YARS1: variants seen among roughly 807,000 people sequenced by gnomAD.
YARS1 encodes the protein tyrosine--tRNA ligase, cytoplasmic.
Under a neutral mutation model 62.2 loss-of-function variants are expected in YARS1, and 36 were observed. The observed-to-expected ratio is 0.58, with a 90% CI of 0.44 to 0.76. The LOEUF is 0.76. Ranked by LOEUF, YARS1 falls within the 30% of genes least tolerant of loss-of-function variation. The pLI is 0.00. For missense variants in YARS1, 524 were observed against 639.8 expected, an observed-to-expected ratio of 0.82 and a Z score of 1.95; for synonymous variants, 234 against 244.9, an observed-to-expected ratio of 0.96 and a Z score of 0.42.
In YARS1 at chr1:32,801,942, CTTTTT is replaced by C. The variant is rs34270752; in HGVS notation, c.511-4104_511-4100del. On this transcript the variant is annotated intron_variant, in intron 4 of 12. Coordinates refer to ENST00000373477, the MANE Select transcript of YARS1 (RefSeq NM_003680.4). ...CCTAATTGTAGTTCTCTTGTTATTTCTTTTTTTTTTTTTTTTTTTTTTTGAGACGG... is the reference window on the plus strand; with the variant it reads ...CCTAATTGTAGTTCTCTTGTTATTTCTTTTTTTTTTTTTTTTTTGAGACGG... Among the ~76,000 whole-genome samples, 798 of 103,846 alleles carry C rather than the reference CTTTTT, an allele frequency of 7.7e-3. 2 individuals are homozygous for C. The highest frequency in any genetic ancestry group is 0.026 in the African/African-American group (739 of 28,438). The allele number at this position is 103,846 out of a possible 152,430, so 68.1% of individuals were successfully genotyped here.
chr1:32,791,264 T>C lies in YARS1; in HGVS notation c.592-10A>G, dbSNP rs1569732722. ...CAAGTGCAGGGAGGTACTGAGAGATTAGAGAAACACACAAAAGCCGATATT... is the reference window on the plus strand; with the variant it reads ...CAAGTGCAGGGAGGTACTGAGAGATCAGAGAAACACACAAAAGCCGATATT... On this transcript the variant is annotated splice_polypyrimidine_tract_variant and intron_variant, in intron 5 of 12. Transcript: ENST00000373477. The C allele has an allele frequency of 1.2e-5, 19 of 1,610,682 alleles. No individual in the cohort carries two copies. The highest frequency in any genetic ancestry group is 1.6e-5 in the Non-Finnish European group (19 of 1,176,888).
intron 3 of YARS1, 43 bp from the exon 4 acceptor site, chr1:32,806,654 A>C: frequency 6.2e-7 from 1 of 1,613,868 alleles, no homozygotes; most frequent in South Asian, 1.1e-5. Context: ...ACCTGGGCCT[A>C]GGCCTCAGTT....
intron 1 of YARS1, among the ~76,000 whole-genome samples, chr1:32,813,729 C>T (rs566256085): frequency 1.3e-5 from 2 of 152,168 alleles, no homozygotes; most frequent in Admixed American, 6.6e-5. Flanking sequence ...TCTCCCATTC[C>T]AATTTTAATT....
Position 32,775,928 on chromosome 1 carries a change from AAG to A in YARS1, c.*51_*52del. On this transcript the variant is annotated 3_prime_UTR_variant, in exon 13 of 13. Transcript: ENST00000373477. ...AATGGGTGATGGATGGAGCAGACTG[AAG>A]AGACAGCAGATGACTCAGTGGTGGA... The A allele has an allele frequency of 6.8e-7, 1 of 1,468,886 alleles. No homozygotes were observed. Among genetic ancestry groups the A allele is most frequent in the Non-Finnish European group, 9.5e-7 (1 of 1,049,014 alleles). 91.0% of individuals were successfully genotyped at this position (1,468,886 alleles called of 1,614,324 possible).
intron 4 of YARS1, among the ~76,000 whole-genome samples, chr1:32,803,599 ATCT>A (rs1160834535): frequency 2.0e-5 from 3 of 152,178 alleles, no homozygotes; most frequent in Non-Finnish European, 2.9e-5. Flanking sequence ...CCGAGATGGC[ATCT>A]TCTTCCGAAA....
intron 5 of YARS1, 23 bp downstream of exon 5, chr1:32,797,740 A>T: frequency 6.2e-7 from 1 of 1,609,566 alleles, no homozygotes; most frequent in Non-Finnish European, 8.5e-7. Context: ...CAAGTGAAAA[A>T]AGACAGGAAA....
intron 9 of YARS1, 113 bp from the exon 10 acceptor site, chr1:32,781,258 A>T: frequency 1.1e-6 from 1 of 885,436 alleles, no homozygotes. Context: ...GAATCCCCAG[A>T]GTCTAAACAC....
At chr1:32,782,000 T>TTG in intron 9 of YARS1, 1 of 165,152 alleles carries the variant, frequency 6.1e-6, no homozygotes, top group Admixed American at 6.1e-5. Flanking sequence ...TTTTTTTTTT[T>TTG]GGGTAGAGAC....
chr1:32,815,646 T>C (rs980925698), intron 1 of YARS1, among the ~76,000 whole-genome samples: 7 of 152,360 alleles, frequency 4.6e-5, no homozygotes, highest in African/African-American at 9.6e-5. Flanking sequence ...GAAAACATTA[T>C]GCTAAGTGCA....
At chr1:32,777,927 AT>A (rs564916503) in intron 12 of YARS1, among the ~76,000 whole-genome samples, 1 of 151,850 alleles carries the variant, frequency 6.6e-6, no homozygotes, top group South Asian at 2.1e-4. Context: ...CAGGACTAGG[AT>A]TTTTTTTTCT....
At chr1:32,781,423 A>G in intron 9 of YARS1, 1 of 442,844 alleles carries the variant, frequency 2.3e-6, no homozygotes, top group Non-Finnish European at 4.2e-6. Context: ...TCCACATAGA[A>G]TTTACTGAGT....
rs1652986415 is a variant in YARS1, at chr1:32,779,506, T to C, written c.1352A>G (p.Gln451Arg). 6.2e-7 allele frequency: 1 copy of C among 1,614,090 alleles called. No homozygotes were observed. The highest frequency in any genetic ancestry group is 1.7e-5 in the Admixed American group (1 of 60,008). The change falls in exon 12 of 13, where the codon CAG becomes CGG. Residue 451 changes from glutamine (Q) to arginine (R), a missense_variant. Gln to Arg is a conservative substitution (Grantham distance 43). Transcript: ENST00000373477. ...TGCCGGAGGGTCCAGAGGTTCAACC[T>C]GGCGGTTTATCCCTTCTCTGGGAAG... ...LCASIEGINR[Q>R]VEPLDPPAGS... is the part of the protein sequence containing the mutation.
At chr1:32,781,361 G>A (rs761940098) in intron 9 of YARS1, 27 of 587,414 alleles carry the variant, frequency 4.6e-5, no homozygotes, top group Middle Eastern at 3.9e-4. Context: ...TTAGACTAGC[G>A]GGGAGGGAGC....
intron 12 of YARS1, among the ~76,000 whole-genome samples, chr1:32,778,736 C>CTTTTTTTTTTTTTTT (rs67504155): frequency 8.3e-6 from 1 of 120,070 alleles, no homozygotes; most frequent in Non-Finnish European, 1.7e-5. Flanking sequence ...CTTTTCTTTT[C>CTTTTTTTTTTTTTTT]TTTTTTTTTT....
chr1:32,816,108 C>CA (rs71571726), intron 1 of YARS1, among the ~76,000 whole-genome samples: 12,797 of 53,572 alleles, frequency 0.24, 1,280 homozygotes, highest in African/African-American at 0.28. Flanking sequence ...GACTCCGCCT[C>CA]AAAAAAAAAA....
rs1343797897 is a variant in YARS1 at position 32,782,387 on chromosome 1, T to C, written c.1042+17A>G. The C allele has an allele frequency of 1.2e-6, 2 of 1,613,778 alleles. No individual in the cohort carries two copies. Among genetic ancestry groups the C allele is most frequent in the East Asian group, 2.2e-5 (1 of 44,898 alleles). On this transcript the variant is annotated intron_variant, in intron 9 of 12. Transcript: ENST00000373477. ...TCTCTCTCCTGATGATGTCGGCCCC[T>C]CTCCAGCTGGCCTTACTCTGCTTTG...
chr1:32,791,140 C>A, intron 6 of YARS1, 22 bp downstream of exon 6: 2 of 1,601,950 alleles, frequency 1.2e-6, no homozygotes, highest in South Asian at 1.1e-5. Flanking sequence ...TTTCTAAATT[C>A]AAGTCTCAGC....
intron 1 of YARS1, chr1:32,811,440 T>C (rs1410774443): frequency 2.4e-5 from 8 of 337,768 alleles, no homozygotes; most frequent in Non-Finnish European, 4.0e-5. Context: ...GATATTACCC[T>C]AAGCCCCAGC....
In YARS1 at chr1:32,810,712, A is replaced by T. The variant is rs1638564085; in HGVS notation, c.259T>A (p.Trp87Arg). Reference protein sequence around the residue: ...HAYLDNMKAPWELLELRVSYY... With the variant: ...HAYLDNMKAPRELLELRVSYY... ...CTGACTCGGAGTTCTAGAAGTTCCC[A>T]TGGGGCTTTCATGTTATCCAGGTAT... Residue 87 changes from tryptophan (W) to arginine (R), a missense_variant, in exon 3 of 13, where the codon TGG (tryptophan) becomes AGG (arginine). Trp to Arg is a moderately radical substitution (Grantham distance 101, BLOSUM62 -3). Coordinates refer to ENST00000373477, the MANE Select transcript of YARS1 (RefSeq NM_003680.4). The T allele has an allele frequency of 6.2e-7, 1 of 1,614,046 alleles. No homozygotes were observed. The highest frequency in any genetic ancestry group is 1.1e-5 in the South Asian group (1 of 91,088).
Sources: gnomAD v4.1 joint callset for allele counts (sites outside exome capture counted in the v4.1 genomes callset) on GRCh38, gnomAD v4.1.1 for gene constraint, MANE v1.5 for transcripts, NCBI Gene and HGNC (gene_info 2026-07-23, HGNC 2026-07-21) for gene names.